The following LRRC7 variants were observed in gnomAD, a reference collection of about 807,000 sequenced individuals.
LRRC7 encodes leucine-rich repeat-containing protein 7.
A neutral mutation model predicts 175.7 loss-of-function variants in LRRC7; 23 were observed. That is an observed-to-expected ratio of 0.13 (90% confidence interval 0.09 to 0.19). The LOEUF is 0.19. LRRC7 is among the 10% of genes least tolerant of loss of function. The pLI is 1.00. For missense variants in LRRC7, 1,354 were observed against 1,904.7 expected (o/e 0.71, Z 5.38); for synonymous variants, 685 against 680.9 (o/e 1.01, Z -0.09).
intron 23 of LRRC7, among the ~76,000 whole-genome samples, chr1:70,071,399 G>T (rs1054245416): frequency 6.6e-6 from 1 of 151,914 alleles, no homozygotes; most frequent in African/African-American, 2.4e-5. Flanking sequence ...TGTACTTAAT[G>T]GAAGAAATAG....
At chr1:69,608,812 GTCTCTCTCTCTCTCTC>G (rs558298354) in intron 1 of LRRC7, among the ~76,000 whole-genome samples, 1,087 of 91,340 alleles carry the variant, frequency 0.012, 5 homozygotes, top group Middle Eastern at 0.016. Context: ...TGCTCTGTCT[GTCTCTCTCTCTCTCTC>G]TCTCTCTCTC....
intron 1 of LRRC7, among the ~76,000 whole-genome samples, chr1:69,621,912 T>A (rs952471646): frequency 1.3e-5 from 2 of 152,204 alleles, no homozygotes; most frequent in African/African-American, 4.8e-5. Flanking sequence ...AACCATAACC[T>A]TTCCCAAAGC....
At chr1:70,066,934 G>A (rs2102101672) in intron 23 of LRRC7, among the ~76,000 whole-genome samples, 1 of 152,204 alleles carries the variant, frequency 6.6e-6, no homozygotes, top group South Asian at 2.1e-4. Flanking sequence ...TCTGTTAGGT[G>A]TGTAGTGATA....
chr1:69,834,677 A>G, intron 5 of LRRC7, 103 bp from the exon 6 acceptor site: 1 of 908,556 alleles, frequency 1.1e-6, no homozygotes, highest in East Asian at 2.6e-5. Context: ...AGAGTTGAAA[A>G]ATGTATTACA....
chr1:69,860,046 A>G (rs1220677385), intron 7 of LRRC7, among the ~76,000 whole-genome samples: 3 of 151,984 alleles, frequency 2.0e-5, no homozygotes, highest in Admixed American at 1.3e-4. Context: ...TTAATTCACC[A>G]TTCTATTCCT....
At chr1:69,855,523 G>T (rs1683498000) in intron 7 of LRRC7, among the ~76,000 whole-genome samples, 1 of 152,102 alleles carries the variant, frequency 6.6e-6, no homozygotes, top group African/African-American at 2.4e-5. Flanking sequence ...TTTTACATTT[G>T]CTGAGGAGTG....
intron 22 of LRRC7, among the ~76,000 whole-genome samples, chr1:70,049,021 T>C (rs1200155677): frequency 2.0e-5 from 3 of 152,148 alleles, no homozygotes; most frequent in African/African-American, 7.2e-5. Context: ...CTCTTGTTCA[T>C]TTTTTAATTT....
chr1:69,669,149 G>C (rs1016313592), intron 1 of LRRC7, among the ~76,000 whole-genome samples: 5 of 151,898 alleles, frequency 3.3e-5, no homozygotes, highest in Non-Finnish European at 7.4e-5. Context: ...GTTTTTCTGT[G>C]TCCTTACTAT....
At chr1:69,756,490 G>A (rs1209886013) in intron 2 of LRRC7, among the ~76,000 whole-genome samples, 1 of 151,644 alleles carries the variant, frequency 6.6e-6, no homozygotes, top group Non-Finnish European at 1.5e-5. Flanking sequence ...CAAGAGTGAG[G>A]AAAAATAAAA....
intron 1 of LRRC7, among the ~76,000 whole-genome samples, chr1:69,602,741 T>C (rs1281897301): frequency 2.6e-5 from 4 of 152,182 alleles, no homozygotes; most frequent in African/African-American, 4.8e-5. Context: ...TCGAGAATCA[T>C]TGGCTTACAC....
At chr1:69,871,275 T>A (rs1685502902) in intron 7 of LRRC7, among the ~76,000 whole-genome samples, 1 of 152,080 alleles carries the variant, frequency 6.6e-6, no homozygotes, top group South Asian at 2.1e-4. Context: ...GGTTCAATAG[T>A]GGGCTGAGAC....
chr1:69,786,024 C>T (rs985294295), intron 3 of LRRC7, among the ~76,000 whole-genome samples: 7 of 152,064 alleles, frequency 4.6e-5, no homozygotes, highest in Non-Finnish European at 1.0e-4. Flanking sequence ...CATTTGCAGG[C>T]TTGATTCTTT....
At chr1:69,891,972 C>CA (rs988257160) in intron 7 of LRRC7, among the ~76,000 whole-genome samples, 2 of 122,122 alleles carry the variant, frequency 1.6e-5, no homozygotes, top group East Asian at 2.8e-4. Context: ...ATTCTCATCA[C>CA]AAAAAAAGAA....
intron 5 of LRRC7, among the ~76,000 whole-genome samples, chr1:69,830,425 C>T (rs1680398087): frequency 6.6e-6 from 1 of 151,812 alleles, no homozygotes; most frequent in Non-Finnish European, 1.5e-5. Flanking sequence ...AATATCTTTT[C>T]TGGCAGACTC....
At chr1:69,922,039 C>G (rs1646904947) in intron 7 of LRRC7, among the ~76,000 whole-genome samples, 1 of 152,170 alleles carries the variant, frequency 6.6e-6, no homozygotes, top group South Asian at 2.1e-4. Flanking sequence ...AATTCTCCTG[C>G]CTCAACCTTC....
chr1:69,583,451 A>G (rs564318033), intron 1 of LRRC7, among the ~76,000 whole-genome samples: 3 of 152,236 alleles, frequency 2.0e-5, no homozygotes, highest in Non-Finnish European at 4.4e-5. Flanking sequence ...CAAGGGTAAC[A>G]CAGTCACCAC....
intron 2 of LRRC7, among the ~76,000 whole-genome samples, chr1:69,713,197 AT>A (rs762239575): frequency 5.1e-4 from 78 of 152,276 alleles, no homozygotes; most frequent in Non-Finnish European, 9.1e-4. Flanking sequence ...AGAAGAACTT[AT>A]TTTAAGGCCA....
intron 23 of LRRC7, among the ~76,000 whole-genome samples, chr1:70,072,533 C>G (rs529940081): frequency 6.6e-6 from 1 of 152,218 alleles, no homozygotes; most frequent in Non-Finnish European, 1.5e-5. Context: ...AGCTGTCATT[C>G]CCCAACATCA....
chr1:69,925,544 G>T (rs936694136), intron 7 of LRRC7, among the ~76,000 whole-genome samples: 3 of 151,868 alleles, frequency 2.0e-5, no homozygotes, highest in African/African-American at 4.8e-5. Context: ...TGTATGTGTC[G>T]AGGAATTTCT....
Sources: allele counts gnomAD v4.1 joint callset (sites outside exome capture counted in the v4.1 genomes callset), GRCh38; gene constraint gnomAD v4.1.1; transcripts MANE v1.5; gene names NCBI Gene and HGNC (gene_info 2026-07-23, HGNC 2026-07-21).